The following PPP3CC variants were observed in gnomAD, a reference collection of about 807,000 sequenced individuals.
The protein encoded by PPP3CC is protein phosphatase 3 catalytic subunit gamma.
In PPP3CC, 35 loss-of-function variants were observed where a neutral mutation model predicts 60.3. The ratio of observed to expected loss-of-function variants is 0.58; its 90% CI spans 0.44 to 0.77. PPP3CC has a LOEUF of 0.77. Ranked by LOEUF, PPP3CC falls within the 30% of genes least tolerant of loss-of-function variation. The pLI, the probability that PPP3CC is intolerant of heterozygous loss-of-function variation, is 0.00. For missense variants in PPP3CC, 570 were observed against 628.9 expected (o/e 0.91, Z 1.00); for synonymous variants, 206 against 224.3 (o/e 0.92, Z 0.73).
chr8:22,468,042 T>A (rs1452583138), intron 1 of PPP3CC, among the ~76,000 whole-genome samples: 1 of 152,220 alleles, frequency 6.6e-6, no homozygotes, highest in Non-Finnish European at 1.5e-5. Flanking sequence ...TACCTATGAA[T>A]TTTTGGAACA....
In PPP3CC at chr8:22,475,615, C is replaced by T. The variant is rs1837864430; in HGVS notation, c.363C>T (p.Phe121=). The T allele has an allele frequency of 6.2e-7, 1 of 1,612,596 alleles. No individual in the cohort carries two copies. Among genetic ancestry groups the T allele is most frequent in the Non-Finnish European group, 8.5e-7 (1 of 1,179,252 alleles). The change falls in exon 3 of 14, where the codon TTC becomes TTT. Residue 121 remains phenylalanine (F), a synonymous_variant. Transcript: ENST00000240139. ...FLGDYVDRGY[F]SIECVLYLWS... is the part of the protein sequence containing the mutation. ...GTGACTATGTGGACAGAGGCTATTT[C>T]AGTATAGAGGTAAAAATTAAACTGG... is the stretch of plus-strand genomic sequence containing the variant.
intron 1 of PPP3CC, among the ~76,000 whole-genome samples, chr8:22,456,988 C>T (rs1837213667): frequency 2.4e-5 from 1 of 40,870 alleles, no homozygotes; most frequent in Non-Finnish European, 4.6e-5. Flanking sequence ...TTATTTCCTC[C>T]CTCCCTCCCT....
At position 22,534,210 on chromosome 8, in the gene PPP3CC, A is replaced by AC. The variant is rs1290236280; in HGVS notation, c.1321+1192_1321+1193insC. On this transcript the variant is annotated intron_variant, in intron 12 of 13. Transcript: ENST00000240139. Reference sequence around the variant, plus strand: ...CAAGACTGTTTCAAAAAAAAAAAAAAAAACAAACACCACAGTGAGGTACCA... The same window carrying AC: ...CAAGACTGTTTCAAAAAAAAAAAAAACAAACAAACACCACAGTGAGGTACCA... Among the ~76,000 whole-genome samples, 138 of 151,656 alleles carry AC rather than the reference A, an allele frequency of 9.1e-4. 1 individual carries two copies. The highest frequency in any genetic ancestry group is 3.1e-3 in the African/African-American group (128 of 41,314).
chr8:22,461,253 A>G (rs1370240966), intron 1 of PPP3CC, among the ~76,000 whole-genome samples: 7 of 152,330 alleles, frequency 4.6e-5, no homozygotes, highest in African/African-American at 1.7e-4. Context: ...GATTTTTAGT[A>G]TAAATACACA....
chr8:22,520,397 T>G (rs1247940288), intron 6 of PPP3CC, among the ~76,000 whole-genome samples: 2 of 152,186 alleles, frequency 1.3e-5, no homozygotes, highest in African/African-American at 2.4e-5. Context: ...TTTTTAAAAA[T>G]AAGAAGCTTT....
intron 6 of PPP3CC, among the ~76,000 whole-genome samples, chr8:22,513,905 G>T (rs1198497375): frequency 6.6e-6 from 1 of 152,168 alleles, no homozygotes; most frequent in Non-Finnish European, 1.5e-5. Context: ...GAAGTTGGCT[G>T]TTGTTTTAAA....
chr8:22,480,947 CTT>C (rs1838045519), intron 3 of PPP3CC, among the ~76,000 whole-genome samples: 1 of 152,184 alleles, frequency 6.6e-6, no homozygotes, highest in African/African-American at 2.4e-5. Flanking sequence ...CAAAAAAAGA[CTT>C]AATTGAGGAT....
At chr8:22,499,119 A>C (rs1316109895) in intron 4 of PPP3CC, among the ~76,000 whole-genome samples, 1 of 146,948 alleles carries the variant, frequency 6.8e-6, no homozygotes, top group Non-Finnish European at 1.5e-5. Flanking sequence ...ACTCCGACTC[A>C]AAAAAAAAAG....
At chr8:22,520,423 C>A (rs956099156) in intron 6 of PPP3CC, among the ~76,000 whole-genome samples, 1 of 152,130 alleles carries the variant, frequency 6.6e-6, no homozygotes, top group African/African-American at 2.4e-5. Context: ...CCTTTTTCTT[C>A]TCCTTAACTC....
At position 22,502,736 on chromosome 8, in the gene PPP3CC, A is replaced by G. The variant is rs534103658; in HGVS notation, c.484+4624A>G. ...AGACCCATAATATGTACTGATATGG[A>G]GAGATGCTAAGATATTTTATAAGGC... On this transcript the variant is annotated intron_variant, in intron 4 of 13. Transcript: ENST00000240139. Among the ~76,000 whole-genome samples the G allele has an allele frequency of 1.3e-4, 20 of 152,334 alleles. No homozygotes were observed. The South Asian group carries it at 3.9e-3, about 30-fold the overall frequency.
At chr8:22,486,451 T>G (rs1163651479) in intron 3 of PPP3CC, among the ~76,000 whole-genome samples, 1 of 152,122 alleles carries the variant, frequency 6.6e-6, no homozygotes, top group African/African-American at 2.4e-5. Context: ...TGCTGGGTTT[T>G]TGTTTGTTTG....
Position 22,540,951 on chromosome 8 carries a change from T to C in PPP3CC, c.*149T>C. On this transcript the variant is annotated 3_prime_UTR_variant, in exon 14 of 14. Coordinates refer to ENST00000240139, the MANE Select transcript of PPP3CC (RefSeq NM_005605.5). ...TGCATTTATTCTGTAAAAAGGTGGCTGTTTTATAAATTCTTTTAATTTATG... is the reference window on the plus strand; with the variant it reads ...TGCATTTATTCTGTAAAAAGGTGGCCGTTTTATAAATTCTTTTAATTTATG... 1 of 651,082 alleles carries C rather than the reference T, an allele frequency of 1.5e-6. No homozygotes were observed. The highest frequency in any genetic ancestry group is 2.3e-6 in the Non-Finnish European group (1 of 437,774). 40.3% of individuals were successfully genotyped at this position (651,082 alleles called of 1,614,324 possible). A position where few individuals can be genotyped will look rare whatever the true frequency, so the allele number is the denominator to read the frequency against.
chr8:22,481,621 G>A (rs545788582), intron 3 of PPP3CC, among the ~76,000 whole-genome samples: 3 of 151,294 alleles, frequency 2.0e-5, no homozygotes, highest in South Asian at 2.1e-4. Context: ...GTATACATGT[G>A]CCATGGTGGT....
At chr8:22,471,480 C>A (rs1255977679) in intron 1 of PPP3CC, among the ~76,000 whole-genome samples, 2 of 152,086 alleles carry the variant, frequency 1.3e-5, no homozygotes, top group Non-Finnish European at 2.9e-5. Context: ...GATGGTGTAA[C>A]TACTACTATG....
At chr8:22,484,302 T>C (rs1304704177) in intron 3 of PPP3CC, among the ~76,000 whole-genome samples, 3 of 152,134 alleles carry the variant, frequency 2.0e-5, no homozygotes, top group Non-Finnish European at 1.5e-5. Flanking sequence ...TGGCTGACTA[T>C]ATGAGATTTT....
At chr8:22,451,939 G>A (rs1013152160) in intron 1 of PPP3CC, among the ~76,000 whole-genome samples, 4 of 151,652 alleles carry the variant, frequency 2.6e-5, no homozygotes, top group African/African-American at 9.7e-5. Flanking sequence ...CTGGTCCTAA[G>A]CACTTTGAAT....
intron 1 of PPP3CC, among the ~76,000 whole-genome samples, chr8:22,457,498 G>A (rs1189592687): frequency 1.3e-5 from 2 of 151,898 alleles, no homozygotes; most frequent in Admixed American, 6.6e-5. Context: ...GAGATAGGGA[G>A]GGTTTCACGA....
chr8:22,525,564 TTCTCTCTCTCTC>T (rs908799727), intron 8 of PPP3CC, among the ~76,000 whole-genome samples: 1 of 141,674 alleles, frequency 7.1e-6, no homozygotes, highest in African/African-American at 2.7e-5. Context: ...CTCTCTTTCT[TTCTCTCTCTCTC>T]TCTTTCTCTC....
At position 22,496,485 on chromosome 8, in the gene PPP3CC, C is replaced by CTTTTTTTTTTTTTTTTTTTTTT. The variant is rs71206523; in HGVS notation, c.373-1507_373-1486dup. 1.1e-3 allele frequency among the ~76,000 whole-genome samples: 49 copies of CTTTTTTTTTTTTTTTTTTTTTT among 43,582 alleles called. 15 individuals are homozygous for CTTTTTTTTTTTTTTTTTTTTTT. Among genetic ancestry groups the CTTTTTTTTTTTTTTTTTTTTTT allele is most frequent in the Non-Finnish European group, 1.7e-3 (40 of 23,916 alleles). 28.6% of individuals were successfully genotyped at this position (43,582 alleles called of 152,430 possible). ...AAGTTAAATTAGGGAGAACTGTAAT[C>CTTTTTTTTTTTTTTTTTTTTTT]TTTTTTTTTTTTTTTTTTTTTTTTT... On this transcript the variant is annotated intron_variant, in intron 3 of 13. Transcript: ENST00000240139.
Sources: gnomAD v4.1 joint callset for allele counts (sites outside exome capture counted in the v4.1 genomes callset) on GRCh38, gnomAD v4.1.1 for gene constraint, MANE v1.5 for transcripts, NCBI Gene and HGNC (gene_info 2026-07-23, HGNC 2026-07-21) for gene names.